Variants in MCTP1 observed in about 807,000 individuals in gnomAD.
The protein encoded by MCTP1 is multiple C2 and transmembrane domain-containing protein 1.
A neutral mutation model predicts 120.6 loss-of-function variants in MCTP1; 69 were observed. That is an observed-to-expected ratio of 0.57 (90% CI 0.47 to 0.70). The LOEUF is 0.70. Ranked by LOEUF, MCTP1 falls within the 30% of genes least tolerant of loss-of-function variation. The probability of loss-of-function intolerance (pLI) is 0.00; values close to 1 mark genes in which losing one functional copy is unlikely to be tolerated. For missense variants in MCTP1, 1,203 were observed against 1,248.8 expected, an observed-to-expected ratio of 0.96 and a Z score of 0.55; for synonymous variants, 529 against 493.1, an observed-to-expected ratio of 1.07 and a Z score of -0.96.
chr5:95,053,009 T>C (rs1183572497), intron 1 of MCTP1, among the ~76,000 whole-genome samples: 1 of 152,170 alleles, frequency 6.6e-6, no homozygotes, highest in Non-Finnish European at 1.5e-5. Flanking sequence ...CAAAGTAAAA[T>C]GTGGCAAAGA....
chr5:94,856,455 A>G (rs1794740410), intron 17 of MCTP1, among the ~76,000 whole-genome samples: 1 of 151,772 alleles, frequency 6.6e-6, no homozygotes, highest in Non-Finnish European at 1.5e-5. Context: ...GTTTCTTGAC[A>G]TATCTGGAAA....
intron 7 of MCTP1, among the ~76,000 whole-genome samples, chr5:94,923,289 G>A (rs1432038424): frequency 6.6e-6 from 1 of 152,078 alleles, no homozygotes; most frequent in African/African-American, 2.4e-5. Flanking sequence ...AAAGAAAGAG[G>A]AACATTCTTA....
chr5:94,786,466 G>T (rs1046490556), intron 18 of MCTP1, among the ~76,000 whole-genome samples: 5 of 152,048 alleles, frequency 3.3e-5, no homozygotes, highest in Non-Finnish European at 7.4e-5. Flanking sequence ...GTCCTAGTGG[G>T]TTTAGACCTA....
intron 19 of MCTP1, among the ~76,000 whole-genome samples, chr5:94,751,302 A>G (rs1224743979): frequency 6.6e-6 from 1 of 151,896 alleles, no homozygotes; most frequent in African/African-American, 2.4e-5. Flanking sequence ...ATTGCAAATT[A>G]TAGTTTTTAG....
chr5:94,967,342 A>G (rs1383219513), intron 2 of MCTP1, among the ~76,000 whole-genome samples: 1 of 152,210 alleles, frequency 6.6e-6, no homozygotes. Context: ...TATATCAGCT[A>G]TCACACACCA....
chr5:95,054,805 G>C (rs1310874572), intron 1 of MCTP1, among the ~76,000 whole-genome samples: 10 of 152,032 alleles, frequency 6.6e-5, no homozygotes, highest in Admixed American at 5.9e-4. Context: ...GTTATTGTTT[G>C]TTTGTTTGTT....
intron 7 of MCTP1, among the ~76,000 whole-genome samples, chr5:94,920,545 A>T (rs533445642): frequency 6.6e-6 from 1 of 151,894 alleles, no homozygotes; most frequent in Admixed American, 6.6e-5. Context: ...GATCGAGACC[A>T]TCCTGGCTAA....
chr5:94,954,113 A>AAT (rs1362092227), intron 2 of MCTP1, among the ~76,000 whole-genome samples: 1 of 50,610 alleles, frequency 2.0e-5, no homozygotes, highest in Admixed American at 2.5e-4. Flanking sequence ...CATATATATG[A>AAT]ATATATATAC....
At chr5:94,752,107 A>AT (rs1476601243) in intron 19 of MCTP1, among the ~76,000 whole-genome samples, 18 of 68,224 alleles carry the variant, frequency 2.6e-4, no homozygotes, top group African/African-American at 3.2e-4. Context: ...TTAAATAATA[A>AT]AATATATATA....
chr5:94,734,764 T>C (rs1211626939), intron 19 of MCTP1, among the ~76,000 whole-genome samples: 1 of 152,202 alleles, frequency 6.6e-6, no homozygotes, highest in Non-Finnish European at 1.5e-5. Context: ...CCTAGTCTCT[T>C]TCTTTCATTT....
intron 19 of MCTP1, among the ~76,000 whole-genome samples, chr5:94,768,169 A>T (rs1773230252): frequency 6.6e-6 from 1 of 152,206 alleles, no homozygotes; most frequent in Non-Finnish European, 1.5e-5. Flanking sequence ...CACTCTCTTC[A>T]ATAAATGGGG....
At position 94,909,385 on chromosome 5, in the gene MCTP1, G is replaced by GA. The variant is rs35204683; in HGVS notation, c.1522-5dup. The GA allele has an allele frequency of 9.3e-4, 1,438 of 1,540,852 alleles. 6 individuals are homozygous for GA. Among genetic ancestry groups the GA allele is most frequent in the African/African-American group, 6.9e-3 (484 of 69,878 alleles). On this transcript the variant is annotated splice_polypyrimidine_tract_variant and splice_region_variant and intron_variant, in intron 9 of 22. Transcript: ENST00000515393. Reference sequence around the variant, plus strand: ...GATTCAACGTTTTTGGCATAATCTGGAAAAAAAAATCATAATTGTCATATT... The same window carrying GA: ...GATTCAACGTTTTTGGCATAATCTGGAAAAAAAAAATCATAATTGTCATATT...
intron 18 of MCTP1, among the ~76,000 whole-genome samples, chr5:94,786,647 A>G (rs537633981): frequency 6.6e-6 from 1 of 152,310 alleles, no homozygotes; most frequent in African/African-American, 2.4e-5. Flanking sequence ...TGGTCTACTT[A>G]TCATTTCTGC....
At chr5:94,963,036 G>C (rs1824670214) in intron 2 of MCTP1, among the ~76,000 whole-genome samples, 1 of 152,090 alleles carries the variant, frequency 6.6e-6, no homozygotes, top group South Asian at 2.1e-4. Context: ...TAGTTCCCTT[G>C]AGCCCTTTTG....
intron 1 of MCTP1, among the ~76,000 whole-genome samples, chr5:95,043,613 G>T (rs1428110390): frequency 6.6e-6 from 1 of 151,918 alleles, no homozygotes; most frequent in African/African-American, 2.4e-5. Flanking sequence ...TTGTTGATTT[G>T]CTTTCCATAT....
chr5:95,118,224 C>A (rs1476671425), intron 1 of MCTP1, among the ~76,000 whole-genome samples: 2 of 151,972 alleles, frequency 1.3e-5, no homozygotes, highest in South Asian at 2.1e-4. Context: ...ATGAAAATAA[C>A]AAAATAAAAT....
intron 19 of MCTP1, among the ~76,000 whole-genome samples, chr5:94,733,020 ATTAT>A (rs1384187679): frequency 2.0e-5 from 3 of 152,178 alleles, no homozygotes; most frequent in Non-Finnish European, 4.4e-5. Context: ...AGTCTGCATA[ATTAT>A]TTAGAGTAAT....
chr5:94,911,138 G>C (rs1488367818), intron 9 of MCTP1, among the ~76,000 whole-genome samples: 1 of 152,102 alleles, frequency 6.6e-6, no homozygotes, highest in Non-Finnish European at 1.5e-5. Context: ...AACTTCCTGG[G>C]CTGGAAGGGA....
intron 1 of MCTP1, among the ~76,000 whole-genome samples, chr5:95,078,339 A>T (rs1754131100): frequency 6.6e-6 from 1 of 152,198 alleles, no homozygotes; most frequent in African/African-American, 2.4e-5. Flanking sequence ...ACTGTATCAG[A>T]TAACTAAATA....
Sources: allele counts gnomAD v4.1 joint callset (sites outside exome capture counted in the v4.1 genomes callset), GRCh38; gene constraint gnomAD v4.1.1; transcripts MANE v1.5; gene names NCBI Gene and HGNC (gene_info 2026-07-23, HGNC 2026-07-21).